TFPT: variants seen among roughly 807,000 people sequenced by gnomAD.
The protein encoded by TFPT is TCF3 fusion partner, also known as INO80 complex subunit F.
TFPT carries 27 observed loss-of-function variants against 28.8 expected under a neutral mutation model. That is an observed-to-expected ratio of 0.94 (90% CI 0.69 to 1.29). The LOEUF (loss-of-function observed/expected upper bound fraction) is 1.29. Among genes scored for constraint, TFPT ranks in the 50% most tolerant of loss-of-function variants. The pLI is 0.00. For missense variants in TFPT, 330 were observed against 338.0 expected, an observed-to-expected ratio of 0.98 and a Z score of 0.19; for synonymous variants, 152 against 142.8, an observed-to-expected ratio of 1.06 and a Z score of -0.46.
chr19:54,108,164 C>T lies in TFPT; in HGVS notation c.504G>A (p.Pro168=), dbSNP rs202010949. The change falls in exon 5 of 6, where the codon CCG becomes CCA. Residue 168 remains proline, a synonymous_variant. Transcript: ENST00000391759. ...CTGGGGGTGCAGGAGTCCTTCTGGG[C>T]GGGGACAGTGTCTCTTTCTCTGGAG... ...NEPPEKETLS[P]PRRTPAPPEP... is the part of the protein sequence containing the mutation. 6.1e-4 allele frequency: 975 copies of T among 1,591,858 alleles called. 12 individuals carry two copies. The South Asian group carries it at 7.1e-3, about 12-fold the overall frequency.
At chr19:54,113,617 A>C (rs2073518331) in intron 2 of TFPT, among the ~76,000 whole-genome samples, 1 of 152,118 alleles carries the variant, frequency 6.6e-6, no homozygotes, top group Non-Finnish European at 1.5e-5. Context: ...CAAGGAAAAA[A>C]AAATATCCAG....
chr19:54,109,797 C>CTCCCTCAGTCCCAGCGCACAGCCCCT (rs770702401), intron 3 of TFPT, among the ~76,000 whole-genome samples: 2 of 44,414 alleles, frequency 4.5e-5, no homozygotes, highest in African/African-American at 8.9e-5. Flanking sequence ...GGAGGATGCC[C>CTCCCTCAGTCCCAGCGCACAGCCCCT]TCCACCCGGC....
At chr19:54,111,263 C>T (rs910472516) in intron 2 of TFPT, among the ~76,000 whole-genome samples, 3 of 152,118 alleles carry the variant, frequency 2.0e-5, no homozygotes, top group African/African-American at 4.8e-5. Flanking sequence ...GAGTTCCGGG[C>T]GGGGCACAGT....
rs587762529 is a variant in TFPT, at chr19:54,107,975, G to C, written c.642+51C>G. 3,850 of 1,499,912 alleles carry C rather than the reference G, an allele frequency of 2.6e-3. 75 individuals are homozygous for C. In the African/African-American group the frequency reaches 0.042, roughly 16 times the overall value. The allele number at this position is 1,499,912 out of a possible 1,614,324, so 92.9% of individuals were successfully genotyped here. On this transcript the variant is annotated intron_variant, in intron 5 of 5. Coordinates refer to ENST00000391759, the MANE Select transcript of TFPT (RefSeq NM_013342.4). ...GAGTCCCCCCTCCTTACCTGCACTG[G>C]CGCCGGCTCTGGAGCCCCAGTCCCT...
intron 2 of TFPT, among the ~76,000 whole-genome samples, chr19:54,111,480 T>C (rs1320883342): frequency 1.2e-4 from 17 of 139,516 alleles, no homozygotes; most frequent in African/African-American, 4.4e-4. Flanking sequence ...GCCAACATGA[T>C]GAGACCTCAT....
chr19:54,107,671 A>C, intron 5 of TFPT: 4 of 315,960 alleles, frequency 1.3e-5, no homozygotes, highest in East Asian at 5.4e-5. Context: ...CTTCCCTTCC[A>C]CTCCGTCTTC....
chr19:54,113,854 G>C (rs1477397888), intron 2 of TFPT, among the ~76,000 whole-genome samples: 4 of 152,070 alleles, frequency 2.6e-5, no homozygotes, highest in African/African-American at 9.7e-5. Flanking sequence ...ACCACACCTG[G>C]CTAATTTTTT....
intron 2 of TFPT, among the ~76,000 whole-genome samples, chr19:54,111,684 G>T: frequency 8.4e-6 from 1 of 119,468 alleles, no homozygotes; most frequent in East Asian, 2.5e-4. Context: ...TGTCTCAAAA[G>T]AAAAAAAAAA....
rs750339337 is a variant in TFPT, at chr19:54,110,055, G to T, written c.349C>A (p.Arg117=). The change falls in exon 3 of 6, where the codon CGG becomes AGG. Residue 117 remains arginine (R), a synonymous_variant. Coordinates refer to ENST00000391759, the MANE Select transcript of TFPT (RefSeq NM_013342.4). ...QRITRRLQQE[R]RFLMRVLDSY... ...AGGGGACAGAGAAGGGGTTACCTCCGTTCCTGCTGCAGCCTCCGAGTTATC... is the reference window on the plus strand; with the variant it reads ...AGGGGACAGAGAAGGGGTTACCTCCTTTCCTGCTGCAGCCTCCGAGTTATC... The T allele has an allele frequency of 5.0e-6, 8 of 1,613,998 alleles. No homozygotes were observed. In the Admixed American group the frequency reaches 8.3e-5, roughly 17 times the overall value.
intron 3 of TFPT, 87 bp from the exon 4 acceptor site, chr19:54,108,482 C>T (rs746057594): frequency 1.2e-6 from 2 of 1,613,636 alleles, no homozygotes; most frequent in Non-Finnish European, 1.7e-6. Flanking sequence ...AGCTCCCACT[C>T]CACTCAACGC....
At chr19:54,110,159 G>A (rs1352730791) in intron 2 of TFPT, 38 bp from the exon 3 acceptor site, 1 of 1,607,906 alleles carries the variant, frequency 6.2e-7, no homozygotes, top group Non-Finnish European at 8.5e-7. Context: ...GGATCCCACG[G>A]CTCCCGTTCA....
chr19:54,110,043 G>T lies in TFPT; in HGVS notation c.353+8C>A. On this transcript the variant is annotated splice_region_variant and intron_variant, in intron 3 of 5. Transcript: ENST00000391759. ...TCACAGGCCCAGAGGGGACAGAGAA[G>T]GGGTTACCTCCGTTCCTGCTGCAGC... 6.2e-7 allele frequency: 1 copy of T among 1,613,900 alleles called. No homozygotes were observed. Among genetic ancestry groups the T allele is most frequent in the Non-Finnish European group, 8.5e-7 (1 of 1,179,820 alleles).
chr19:54,113,812 C>G (rs373382560), intron 2 of TFPT, among the ~76,000 whole-genome samples: 22 of 152,318 alleles, frequency 1.4e-4, no homozygotes, highest in African/African-American at 5.3e-4. Flanking sequence ...ATGCCTCAGC[C>G]TCCCTAGTAG....
chr19:54,113,193 G>A (rs928361342), intron 2 of TFPT, among the ~76,000 whole-genome samples: 1 of 151,284 alleles, frequency 6.6e-6, no homozygotes, highest in African/African-American at 2.4e-5. Context: ...CTTATATGGA[G>A]ACAGTGTCGT....
intron 2 of TFPT, 88 bp from the exon 3 acceptor site, chr19:54,110,209 T>A: frequency 7.0e-7 from 1 of 1,421,998 alleles, no homozygotes; most frequent in Non-Finnish European, 9.8e-7. Flanking sequence ...CACTAAACTC[T>A]GGAGACTGGC....
At chr19:54,107,972 C>A in intron 5 of TFPT, 54 bp downstream of exon 5, 1 of 1,498,166 alleles carries the variant, frequency 6.7e-7, no homozygotes, top group Non-Finnish European at 8.9e-7. Context: ...CTTACCTGCA[C>A]TGGCGCCGGC....
chr19:54,114,792 C>G, intron 1 of TFPT, 92 bp from the exon 2 acceptor site: 1 of 1,497,170 alleles, frequency 6.7e-7, no homozygotes, highest in South Asian at 1.3e-5. Context: ...AACCCCTCCT[C>G]CCTGAGATCC....
intron 3 of TFPT, chr19:54,108,667 T>A: frequency 7.5e-7 from 1 of 1,334,646 alleles, no homozygotes; most frequent in Non-Finnish European, 1.0e-6. Context: ...GACACTGAAG[T>A]AGTGACACCA....
Position 54,114,418 on chromosome 19 carries a change from A to G in TFPT, c.282+24T>C, listed in dbSNP as rs2073551479. On this transcript the variant is annotated intron_variant, in intron 2 of 5. Transcript: ENST00000391759. ...GTAGTTTAGGCCAGGGGACCCCAAA[A>G]CCGGGGGATCCGCACTCACCTACCT... 11 of 1,597,800 alleles carry G rather than the reference A, an allele frequency of 6.9e-6. 1 individual carries two copies. Among genetic ancestry groups the G allele is most frequent in the South Asian group, 1.1e-5 (1 of 89,398 alleles).
Sources: gnomAD v4.1 joint callset for allele counts (sites outside exome capture counted in the v4.1 genomes callset) on GRCh38, gnomAD v4.1.1 for gene constraint, MANE v1.5 for transcripts, NCBI Gene and HGNC (gene_info 2026-07-23, HGNC 2026-07-21) for gene names.